The following ZNF730 variants were observed in gnomAD, a reference collection of about 807,000 sequenced individuals.
The protein encoded by ZNF730 is putative zinc finger protein 730.
A neutral mutation model predicts 12.6 loss-of-function variants in ZNF730; 12 were observed. That is an observed-to-expected ratio of 0.95 (90% CI 0.61 to 1.54). ZNF730 has a LOEUF of 1.54. Ranked by LOEUF, ZNF730 falls within the 40% of genes most tolerant of loss-of-function variation. The pLI, the probability that ZNF730 is intolerant of heterozygous loss-of-function variation, is 0.00. For missense variants in ZNF730, 643 were observed against 583.5 expected, an observed-to-expected ratio of 1.10 and a Z score of -1.05; for synonymous variants, 194 against 195.8, an observed-to-expected ratio of 0.99 and a Z score of 0.08.
At chr19:23,128,271 C>A in intron 1 of ZNF730, 1 of 696,304 alleles carries the variant, frequency 1.4e-6, no homozygotes, top group South Asian at 1.4e-5. Context: ...ACATCATAGG[C>A]CAGAATGTTG....
intron 1 of ZNF730, among the ~76,000 whole-genome samples, chr19:23,132,792 A>G (rs890663014): frequency 6.6e-6 from 1 of 152,240 alleles, no homozygotes; most frequent in African/African-American, 2.4e-5. Context: ...GTTCTGAAAA[A>G]AATTATTAGG....
chr19:23,146,501 G>T lies in ZNF730; in HGVS notation c.1457G>T (p.Gly486Val). 1 of 1,596,624 alleles carries T rather than the reference G, an allele frequency of 6.3e-7. No individual in the cohort carries two copies. Among genetic ancestry groups the T allele is most frequent in the African/African-American group, 1.3e-5 (1 of 74,382 alleles). Residue 486 changes from glycine (G) to valine (V), a missense_variant, in exon 4 of 4, where the codon GGT (glycine) becomes GTT (valine). Physicochemically the swap from Gly to Val is moderately radical, Grantham distance 109. Coordinates refer to ENST00000597761, the MANE Select transcript of ZNF730 (RefSeq NM_001277403.2). Reference sequence around the variant, plus strand: ...AAAATCTACAAATGTAAAGAATGTGGTAAAGCCTTTAGGCGGTTCTCACAC... The same window carrying T: ...AAAATCTACAAATGTAAAGAATGTGTTAAAGCCTTTAGGCGGTTCTCACAC... ...GEKIYKCKEC[G>V]KAFRRFSHLT...
intron 3 of ZNF730, among the ~76,000 whole-genome samples, chr19:23,140,556 A>G (rs1199185941): frequency 2.7e-5 from 4 of 150,374 alleles, no homozygotes; most frequent in South Asian, 4.2e-4. Flanking sequence ...GGTTGCAGTG[A>G]GCCAAAGTAG....
upstream of ZNF730, among the ~76,000 whole-genome samples, chr19:23,115,028 T>C (rs1970501660): frequency 1.3e-5 from 2 of 152,046 alleles, no homozygotes; most frequent in Admixed American, 6.6e-5. Flanking sequence ...TATTCTCCCA[T>C]CTCAGCCTCA....
intron 1 of ZNF730, chr19:23,126,855 C>A: frequency 1.9e-6 from 1 of 533,768 alleles, no homozygotes; most frequent in South Asian, 1.5e-5. Context: ...CAGTAGTGAC[C>A]TAGACCTTCA....
intron 3 of ZNF730, chr19:23,144,018 C>T (rs1196748809): frequency 1.3e-5 from 2 of 151,854 alleles, no homozygotes; most frequent in African/African-American, 2.4e-5. Context: ...CCCATAATTT[C>T]TATTTTTTAA....
upstream of ZNF730, among the ~76,000 whole-genome samples, chr19:23,115,988 A>G (rs1456442697): frequency 6.6e-6 from 1 of 152,236 alleles, no homozygotes; most frequent in Admixed American, 6.5e-5. Context: ...ATTTAAAGTT[A>G]GATGTGTTGT....
chr19:23,142,270 T>G (rs1270441403), intron 3 of ZNF730, among the ~76,000 whole-genome samples: 1 of 152,246 alleles, frequency 6.6e-6, no homozygotes, highest in Non-Finnish European at 1.5e-5. Flanking sequence ...AATATTTGCA[T>G]GAAGCATCTA....
At chr19:23,087,962 C>G (rs1970093503) in intron 1 of ZNF730, among the ~76,000 whole-genome samples, 2 of 151,572 alleles carry the variant, frequency 1.3e-5, no homozygotes, top group Non-Finnish European at 2.9e-5. Context: ...ACCAGAAGTT[C>G]CAATATTATG....
chr19:23,105,392 C>T (rs889134770), intron 1 of ZNF730, among the ~76,000 whole-genome samples: 2 of 151,988 alleles, frequency 1.3e-5, no homozygotes, highest in Non-Finnish European at 2.9e-5. Context: ...GGATTACAGG[C>T]GTGAGCTACC....
At chr19:23,125,778 G>T in intron 1 of ZNF730, 1 of 183,372 alleles carries the variant, frequency 5.5e-6, no homozygotes, top group East Asian at 1.3e-4. Context: ...TGATGATACA[G>T]GATAAAAATA....
chr19:23,112,808 CAG>C (rs1324470638), upstream of ZNF730, among the ~76,000 whole-genome samples: 8 of 151,170 alleles, frequency 5.3e-5, no homozygotes, highest in Non-Finnish European at 8.8e-5. Flanking sequence ...TCATCAGAAA[CAG>C]AATGTGTGTC....
chr19:23,085,496 CTTTTTTTTTT>C (rs58871710), intron 1 of ZNF730, among the ~76,000 whole-genome samples: 4,854 of 52,958 alleles, frequency 0.092, 174 homozygotes, highest in Middle Eastern at 0.24. Context: ...CCATGCCCGT[CTTTTTTTTTT>C]TTTTTTTTTT....
rs146484805 is a variant in ZNF730 at position 23,092,665 on chromosome 19, C to T, written c.-94+17278C>T. On this transcript the variant is annotated intron_variant, in intron 1 of 2. Coordinates refer to the ZNF730 transcript ENST00000593635. ...CTCAAACTCCTGACTTCAGATGATC[C>T]GCCCACCTCGGCCTCCCAAAGTGCT... Among the ~76,000 whole-genome samples, 93 of 152,184 alleles carry T rather than the reference C, an allele frequency of 6.1e-4. 1 individual carries two copies. In the East Asian group the frequency reaches 0.013, roughly 22 times the overall value.
At chr19:23,089,846 T>G (rs896866136) in intron 1 of ZNF730, among the ~76,000 whole-genome samples, 2 of 151,948 alleles carry the variant, frequency 1.3e-5, no homozygotes, top group African/African-American at 4.8e-5. Flanking sequence ...GTTGGAACAG[T>G]TTGGAGGGCT....
At chr19:23,117,322 T>G in intron 1 of ZNF730, 146 bp downstream of exon 1, 1 of 1,485,616 alleles carries the variant, frequency 6.7e-7, no homozygotes. Flanking sequence ...TCAGTCCCCT[T>G]CAGCCATACG....
chr19:23,129,572 T>TCCCCCCCCCCCC (rs35242637), intron 1 of ZNF730, among the ~76,000 whole-genome samples: 1 of 138,486 alleles, frequency 7.2e-6, no homozygotes, highest in African/African-American at 2.8e-5. Flanking sequence ...AATGCTTGTA[T>TCCCCCCCCCCCC]CCCCCCCCCC....
chr19:23,116,573 C>CTT (rs5827552), upstream of ZNF730, among the ~76,000 whole-genome samples: 2,115 of 86,868 alleles, frequency 0.024, 90 homozygotes, highest in East Asian at 0.053. Context: ...CTCCCAGCTA[C>CTT]TTTTTTTTTT....
chr19:23,095,502 G>A (rs779634211), intron 1 of ZNF730: 1 of 398,442 alleles, frequency 2.5e-6, no homozygotes, highest in Non-Finnish European at 4.4e-6. Context: ...ACATATCACT[G>A]GGCTAAGCAC....
Sources: gnomAD v4.1 joint callset for allele counts (sites outside exome capture counted in the v4.1 genomes callset) on GRCh38, gnomAD v4.1.1 for gene constraint, MANE v1.5 for transcripts, NCBI Gene and HGNC (gene_info 2026-07-23, HGNC 2026-07-21) for gene names.